Variants in TENM4 observed in about 807,000 individuals in gnomAD.
TENM4 encodes the protein teneurin-4.
A neutral mutation model predicts 243.3 loss-of-function variants in TENM4; 82 were observed. The observed-to-expected ratio is 0.34, with a 90% confidence interval of 0.28 to 0.40. The LOEUF (loss-of-function observed/expected upper bound fraction) is 0.40. Ranked by LOEUF, TENM4 falls within the 10% of genes least tolerant of loss-of-function variation. The probability of loss-of-function intolerance (pLI) is 1.00; values close to 1 mark genes in which losing one functional copy is unlikely to be tolerated. For missense variants in TENM4, 3,138 were observed against 3,673.3 expected (o/e 0.85, Z 3.77); for synonymous variants, 1,412 against 1,456.3 (o/e 0.97, Z 0.69).
chr11:78,861,459 T>A (rs1401713252), intron 10 of TENM4, among the ~76,000 whole-genome samples: 5 of 152,246 alleles, frequency 3.3e-5, no homozygotes, highest in African/African-American at 1.2e-4. Context: ...CCAGGTCCCA[T>A]TCATGATTCC....
intron 6 of TENM4, among the ~76,000 whole-genome samples, chr11:78,979,662 C>T (rs1019852335): frequency 5.3e-5 from 8 of 152,112 alleles, no homozygotes; most frequent in Admixed American, 2.6e-4. Flanking sequence ...GAGAAGAGCA[C>T]GATACAGCTA....
chr11:79,259,290 A>G (rs1466731304), intron 2 of TENM4, among the ~76,000 whole-genome samples: 4 of 152,214 alleles, frequency 2.6e-5, no homozygotes, highest in African/African-American at 4.8e-5. Context: ...CTATCTGTGC[A>G]TCTACCCATT....
chr11:78,847,766 T>G (rs1448723335), intron 12 of TENM4, among the ~76,000 whole-genome samples: 1 of 152,170 alleles, frequency 6.6e-6, no homozygotes, highest in Non-Finnish European at 1.5e-5. Flanking sequence ...GAAGGGGACA[T>G]AAGGAGAGGT....
chr11:78,750,340 T>G (rs978629180), intron 19 of TENM4, among the ~76,000 whole-genome samples: 2 of 152,250 alleles, frequency 1.3e-5, no homozygotes, highest in African/African-American at 4.8e-5. Flanking sequence ...CCTGCTGAAT[T>G]GATTTCATAA....
chr11:78,759,057 C>CTCT (rs1856377713), intron 18 of TENM4, among the ~76,000 whole-genome samples: 1 of 152,286 alleles, frequency 6.6e-6, no homozygotes, highest in East Asian at 1.9e-4. Context: ...TCATCCTGAA[C>CTCT]TTAGAACATG....
chr11:78,874,764 T>A (rs1859224226), intron 9 of TENM4, among the ~76,000 whole-genome samples: 1 of 152,172 alleles, frequency 6.6e-6, no homozygotes, highest in African/African-American at 2.4e-5. Flanking sequence ...AGGAATATAC[T>A]CCATTCTACA....
chr11:79,439,814 G>T (rs1330949075), intron 1 of TENM4, among the ~76,000 whole-genome samples: 1 of 152,182 alleles, frequency 6.6e-6, no homozygotes, highest in Non-Finnish European at 1.5e-5. Context: ...CCGAAGCTGG[G>T]GGTGAGAGTA....
At chr11:79,255,473 A>G (rs1855686417) in intron 2 of TENM4, among the ~76,000 whole-genome samples, 1 of 152,240 alleles carries the variant, frequency 6.6e-6, no homozygotes, top group African/African-American at 2.4e-5. Context: ...TCCTCTTGGA[A>G]AGCCTGACCT....
intron 6 of TENM4, among the ~76,000 whole-genome samples, chr11:79,042,374 A>C (rs982423228): frequency 6.6e-6 from 1 of 152,126 alleles, no homozygotes; most frequent in Non-Finnish European, 1.5e-5. Context: ...CTAAACCCCA[A>C]ATGTGATGGT....
intron 1 of TENM4, among the ~76,000 whole-genome samples, chr11:79,373,443 T>C (rs1385251121): frequency 6.6e-6 from 1 of 152,040 alleles, no homozygotes; most frequent in Non-Finnish European, 1.5e-5. Context: ...GATGAATGGA[T>C]GGATGGCTCG....
At chr11:79,108,483 C>T (rs1861425573) in intron 4 of TENM4, among the ~76,000 whole-genome samples, 1 of 152,014 alleles carries the variant, frequency 6.6e-6, no homozygotes, top group African/African-American at 2.4e-5. Context: ...TAAGAGATTA[C>T]ACATATGTAT....
intron 3 of TENM4, among the ~76,000 whole-genome samples, chr11:79,170,168 C>T (rs1219542366): frequency 6.6e-6 from 1 of 152,064 alleles, no homozygotes; most frequent in East Asian, 1.9e-4. Context: ...TAATGGGGAA[C>T]ACCAGAGGCA....
At chr11:79,282,913 A>T (rs1267575305) in intron 2 of TENM4, among the ~76,000 whole-genome samples, 2 of 151,996 alleles carry the variant, frequency 1.3e-5, no homozygotes, top group Non-Finnish European at 2.9e-5. Context: ...ATGGCCAGAG[A>T]CTCACTGCCC....
chr11:78,986,184 T>C (rs940720559), intron 6 of TENM4, among the ~76,000 whole-genome samples: 3 of 152,082 alleles, frequency 2.0e-5, no homozygotes, highest in Non-Finnish European at 4.4e-5. Flanking sequence ...CTAACTTGGG[T>C]GTTGGCTGAA....
intron 2 of TENM4, among the ~76,000 whole-genome samples, chr11:79,216,496 C>T (rs377656336): frequency 1.3e-5 from 2 of 152,312 alleles, no homozygotes; most frequent in African/African-American, 4.8e-5. Flanking sequence ...GTGTGTTCCT[C>T]AAAAGTGTTG....
intron 6 of TENM4, among the ~76,000 whole-genome samples, chr11:78,959,172 A>G (rs1857266613): frequency 6.6e-6 from 1 of 152,136 alleles, no homozygotes; most frequent in African/African-American, 2.4e-5. Flanking sequence ...GCACTAAATT[A>G]AAAGTCTCTG....
At chr11:78,756,534 C>T (rs1590997848) in intron 19 of TENM4, 2 of 429,936 alleles carry the variant, frequency 4.7e-6, no homozygotes, top group East Asian at 9.4e-5. Flanking sequence ...ATCCAAGATT[C>T]CCCTTGGACC....
intron 18 of TENM4, 103 bp downstream of exon 18, chr11:78,770,889 T>C: frequency 1.4e-6 from 2 of 1,463,756 alleles, no homozygotes; most frequent in African/African-American, 1.4e-5. Flanking sequence ...CCTGACTGGA[T>C]GACTGGTGTG....
At chr11:79,213,357 G>T (rs1863988179) in intron 3 of TENM4, among the ~76,000 whole-genome samples, 2 of 152,166 alleles carry the variant, frequency 1.3e-5, no homozygotes, top group South Asian at 4.1e-4. Context: ...AACAAAGTAG[G>T]TCCCTGCCCT....
Sources: gnomAD v4.1 joint callset for allele counts (sites outside exome capture counted in the v4.1 genomes callset) on GRCh38, gnomAD v4.1.1 for gene constraint, MANE v1.5 for transcripts, NCBI Gene and HGNC (gene_info 2026-07-23, HGNC 2026-07-21) for gene names.